NTNG1: variants seen among roughly 807,000 people sequenced by gnomAD.
NTNG1 encodes the protein netrin G1, also known as netrin-G1.
Under a neutral mutation model 54.0 loss-of-function variants are expected in NTNG1, and 16 were observed. The observed-to-expected ratio is 0.30, with a 90% CI of 0.20 to 0.45. The LOEUF (loss-of-function observed/expected upper bound fraction) is 0.45, where lower values mean the gene tolerates loss of function less well. Ranked by LOEUF, NTNG1 falls within the 20% of genes least tolerant of loss-of-function variation. The pLI, the probability that NTNG1 is intolerant of heterozygous loss-of-function variation, is 1.00. For synonymous variants in NTNG1, 255 were observed against 263.1 expected, an observed-to-expected ratio of 0.97 and a Z score of 0.30; for missense variants, 530 against 678.7, an observed-to-expected ratio of 0.78 and a Z score of 2.43.
intron 3 of NTNG1, among the ~76,000 whole-genome samples, chr1:107,359,425 C>A (rs1323238737): frequency 6.6e-6 from 1 of 152,040 alleles, no homozygotes; most frequent in Non-Finnish European, 1.5e-5. Context: ...TTAAGAGAAG[C>A]CTTAGTTTCC....
intron 3 of NTNG1, among the ~76,000 whole-genome samples, chr1:107,328,351 T>C (rs769405170): frequency 1.4e-4 from 21 of 152,112 alleles, no homozygotes; most frequent in Admixed American, 3.9e-4. Flanking sequence ...AGGGTAATAC[T>C]ACAATAATAT....
intron 2 of NTNG1, among the ~76,000 whole-genome samples, chr1:107,294,080 C>T (rs1173390336): frequency 1.3e-5 from 2 of 152,226 alleles, no homozygotes; most frequent in Non-Finnish European, 2.9e-5. Context: ...CCAGCACCAT[C>T]TGCCACATAG....
chr1:107,296,666 A>G (rs1665959633), intron 2 of NTNG1, among the ~76,000 whole-genome samples: 1 of 147,858 alleles, frequency 6.8e-6, no homozygotes, highest in South Asian at 2.1e-4. Context: ...ATTTATATAT[A>G]ACATATATTT....
chr1:107,156,868 T>G (rs1333188335), intron 2 of NTNG1, among the ~76,000 whole-genome samples: 1 of 152,170 alleles, frequency 6.6e-6, no homozygotes, highest in Non-Finnish European at 1.5e-5. Flanking sequence ...CTTGACCACA[T>G]GGTATTAAGC....
At chr1:107,280,269 GC>G (rs2101723519) in intron 2 of NTNG1, among the ~76,000 whole-genome samples, 1 of 137,406 alleles carries the variant, frequency 7.3e-6, no homozygotes, top group South Asian at 2.3e-4. Context: ...TCTGACAATC[GC>G]TTATTCTGTG....
At chr1:107,405,309 T>A (rs1160695518) in intron 4 of NTNG1, among the ~76,000 whole-genome samples, 2 of 152,178 alleles carry the variant, frequency 1.3e-5, no homozygotes, top group Non-Finnish European at 2.9e-5. Flanking sequence ...AGTTTAAAAA[T>A]CTTTTCTAAG....
Position 107,149,125 on chromosome 1 carries a change from C to T in NTNG1, c.246+286C>T, listed in dbSNP as rs1286512412. On this transcript the variant is annotated intron_variant, in intron 2 of 7. Transcript: ENST00000370068. ...AGCATATATTATAAAAGAAAAAGTT[C>T]GATTGAAAGTTAAATTTTAGATTGG... Among the ~76,000 whole-genome samples, 3 of 151,896 alleles carry T rather than the reference C, an allele frequency of 2.0e-5. No individual in the cohort carries two copies. In the East Asian group the frequency reaches 5.8e-4, roughly 29 times the overall value.
intron 3 of NTNG1, among the ~76,000 whole-genome samples, chr1:107,354,173 G>T (rs1431350127): frequency 6.6e-6 from 1 of 151,988 alleles, no homozygotes; most frequent in African/African-American, 2.4e-5. Context: ...TAGTTGTAGA[G>T]ATATAGAATT....
chr1:107,441,061 CT>C (rs905754408), intron 7 of NTNG1, among the ~76,000 whole-genome samples: 2 of 151,986 alleles, frequency 1.3e-5, no homozygotes, highest in African/African-American at 4.8e-5. Context: ...TTAAATGATC[CT>C]TTTGAAACCA....
chr1:107,204,565 T>A (rs1336632603), intron 2 of NTNG1, among the ~76,000 whole-genome samples: 3 of 152,064 alleles, frequency 2.0e-5, no homozygotes, highest in African/African-American at 7.2e-5. Context: ...TGACCCTTCA[T>A]ATCACCCCAG....
chr1:107,423,620 G>A (rs1444838178), intron 5 of NTNG1, among the ~76,000 whole-genome samples: 1 of 152,016 alleles, frequency 6.6e-6, no homozygotes, highest in African/African-American at 2.4e-5. Context: ...ACCCCCTTTA[G>A]CTTTGCTTAT....
In NTNG1 at chr1:107,433,074, T is replaced by C. The variant is rs537090328; in HGVS notation, c.1255+2157T>C. The stretch of plus-strand genomic sequence containing the variant: ...TCAATTTTGTATTTATTTTTACTTT[T>C]AAAAATCAAGAAGAGTTTTCCTCTC... On this transcript the variant is annotated intron_variant, in intron 6 of 7. Transcript: ENST00000370068. Among the ~76,000 whole-genome samples, 19 of 152,346 alleles carry C rather than the reference T, an allele frequency of 1.2e-4. No individual in the cohort carries two copies. The East Asian group carries it at 3.5e-3, about 28-fold the overall frequency.
chr1:107,405,989 G>A lies in NTNG1; in HGVS notation c.1061-1693G>A, dbSNP rs17018907. ...AATCACGTTCAGCTTGAAATTCATA[G>A]GGTAGAGTTAAAACATGGACATGGA... On this transcript the variant is annotated intron_variant, in intron 4 of 7. Coordinates refer to ENST00000370068, the MANE Select transcript of NTNG1 (RefSeq NM_001113226.3). 5.4e-3 allele frequency among the ~76,000 whole-genome samples: 823 copies of A among 152,202 alleles called. 7 individuals are homozygous for A. Among genetic ancestry groups the A allele is most frequent in the African/African-American group, 0.019 (800 of 41,538 alleles).
At chr1:107,255,845 G>A (rs1056914125) in intron 2 of NTNG1, among the ~76,000 whole-genome samples, 2 of 152,076 alleles carry the variant, frequency 1.3e-5, no homozygotes, top group African/African-American at 4.8e-5. Context: ...TCCTTTCTTA[G>A]CCTATTCACA....
At chr1:107,373,109 G>A (rs1671026512) in intron 3 of NTNG1, among the ~76,000 whole-genome samples, 1 of 151,970 alleles carries the variant, frequency 6.6e-6, no homozygotes, top group African/African-American at 2.4e-5. Flanking sequence ...AGACTTAAAG[G>A]TAATATCTTG....
chr1:107,455,913 G>A (rs1184511933), intron 7 of NTNG1, among the ~76,000 whole-genome samples: 1 of 152,294 alleles, frequency 6.6e-6, no homozygotes, highest in Non-Finnish European at 1.5e-5. Flanking sequence ...AGGAAAAGTA[G>A]AGATAGCTCA....
chr1:107,285,621 G>A (rs371757813), intron 2 of NTNG1, among the ~76,000 whole-genome samples: 2 of 152,116 alleles, frequency 1.3e-5, no homozygotes, highest in African/African-American at 4.8e-5. Context: ...TTGACATTCA[G>A]TGTTAATCCA....
chr1:107,290,265 T>A (rs893770651), intron 2 of NTNG1, among the ~76,000 whole-genome samples: 1 of 152,170 alleles, frequency 6.6e-6, no homozygotes, highest in East Asian at 1.9e-4. Context: ...ATTCATTGAG[T>A]GTTTTAACTT....
At chr1:107,350,833 G>T (rs1669554866) in intron 3 of NTNG1, among the ~76,000 whole-genome samples, 1 of 152,188 alleles carries the variant, frequency 6.6e-6, no homozygotes, top group Non-Finnish European at 1.5e-5. Context: ...GTTGCCAGGG[G>T]ATGGGAGGTG....
Sources: gnomAD v4.1 joint callset for allele counts (sites outside exome capture counted in the v4.1 genomes callset) on GRCh38, gnomAD v4.1.1 for gene constraint, MANE v1.5 for transcripts, NCBI Gene and HGNC (gene_info 2026-07-23, HGNC 2026-07-21) for gene names.